Variants in DNTTIP2 observed in about 807,000 individuals in gnomAD.
The protein encoded by DNTTIP2 is deoxynucleotidyltransferase terminal interacting protein 2, also known as deoxynucleotidyltransferase terminal-interacting protein 2.
DNTTIP2 carries 47 observed loss-of-function variants against 62.4 expected under a neutral mutation model. That is an observed-to-expected ratio of 0.75 (90% confidence interval 0.60 to 0.96). The LOEUF (loss-of-function observed/expected upper bound fraction) is 0.96. Among genes scored for constraint, DNTTIP2 ranks in the 40% least tolerant of loss-of-function variants. The pLI, the probability that DNTTIP2 is intolerant of heterozygous loss-of-function variation, is 0.00. For synonymous variants in DNTTIP2, 322 were observed against 300.9 expected, an observed-to-expected ratio of 1.07 and a Z score of -0.73; for missense variants, 870 against 849.1, an observed-to-expected ratio of 1.02 and a Z score of -0.31.
chr1:93,867,814 T>C lies in DNTTIP2; in HGVS notation c.*2037A>G, dbSNP rs1392197730. ...AAACATAGTATTCCAGAAACAAAAG[T>C]AGTTTTTTTTTAAAATAAAAGAGAA... is the stretch of plus-strand genomic sequence containing the variant. On this transcript the variant is annotated 3_prime_UTR_variant, in exon 7 of 7. Transcript: ENST00000436063. The C allele has an allele frequency of 8.7e-6, 1 of 115,296 alleles. No individual in the cohort carries two copies. Among genetic ancestry groups the C allele is most frequent in the Non-Finnish European group, 1.8e-5 (1 of 55,136 alleles). The allele number at this position is 115,296 out of a possible 1,614,324, so 7.1% of individuals were successfully genotyped here.
At chr1:93,873,704 G>A (rs1655929280) in intron 3 of DNTTIP2, among the ~76,000 whole-genome samples, 1 of 152,010 alleles carries the variant, frequency 6.6e-6, no homozygotes, top group Non-Finnish European at 1.5e-5. Flanking sequence ...GGCCAAGGCA[G>A]GACAATCACT....
At chr1:93,871,772 T>A (rs1189668225) in intron 5 of DNTTIP2, among the ~76,000 whole-genome samples, 1 of 152,228 alleles carries the variant, frequency 6.6e-6, no homozygotes, top group African/African-American at 2.4e-5. Flanking sequence ...CTATCCCGTA[T>A]GGACTCTTGC....
Position 93,867,661 on chromosome 1 carries a change from A to C in DNTTIP2, c.*2190T>G, listed in dbSNP as rs1655753971. The C allele has an allele frequency of 6.6e-6, 1 of 152,122 alleles. No individual in the cohort carries two copies. The highest frequency in any genetic ancestry group is 1.5e-5 in the Non-Finnish European group (1 of 68,028). The allele number at this position is 152,122 out of a possible 1,614,324, so 9.4% of individuals were successfully genotyped here. ...GTCAGTAAAACCTGTTTCTCAAAAG[A>C]CTTGCTTATTAAAAAGCAAAACATA... On this transcript the variant is annotated 3_prime_UTR_variant, in exon 7 of 7. Transcript: ENST00000436063.
intron 5 of DNTTIP2, among the ~76,000 whole-genome samples, chr1:93,871,476 CCAAA>C (rs5776194): frequency 0.083 from 12,560 of 152,148 alleles, 1,333 homozygotes; most frequent in African/African-American, 0.24. Context: ...TAAAATTTCA[CCAAA>C]CAAACAAGAA....
Position 93,876,999 on chromosome 1 carries a change from T to G in DNTTIP2, c.936A>C (p.Glu312Asp), listed in dbSNP as rs1656028038. The G allele has an allele frequency of 6.2e-7, 1 of 1,612,862 alleles. No homozygotes were observed. The highest frequency in any genetic ancestry group is 1.1e-5 in the South Asian group (1 of 91,036). Reference sequence around the variant, plus strand: ...TCAGCTGAGAACTTTTCTCATTAATTTCTTTCCCCTCATCTGTTATTCCAT... The same window carrying G: ...TCAGCTGAGAACTTTTCTCATTAATGTCTTTCCCCTCATCTGTTATTCCAT... The part of the protein sequence containing the change: ...DANGITDEGK[E>D]INEKSSQLKN... Residue 312 changes from glutamate to aspartate, a missense_variant, in exon 2 of 7, where the codon GAA becomes GAC. Transcript: ENST00000436063.
In DNTTIP2 at chr1:93,869,718, T is replaced by C. The variant is rs183481078; in HGVS notation, c.*133A>G. On this transcript the variant is annotated 3_prime_UTR_variant, in exon 7 of 7. Transcript: ENST00000436063. ...GTAATCGATTCTCAAATCAACTTTT[T>C]CCAAATACAAATTCCTGTATGAACA... The C allele has an allele frequency of 5.6e-4, 337 of 599,774 alleles. No individual in the cohort carries two copies. The highest frequency in any genetic ancestry group is 5.4e-3 in the African/African-American group (292 of 53,754). The allele number at this position is 599,774 out of a possible 1,614,324, so 37.2% of individuals were successfully genotyped here.
In DNTTIP2 at chr1:93,872,296, T is replaced by C. The variant is rs572856030; in HGVS notation, c.1903-60A>G. 3.5e-5 allele frequency: 54 copies of C among 1,535,682 alleles called. No homozygotes were observed. In the Admixed American group the frequency reaches 5.7e-4, roughly 16 times the overall value. ...AGCTAAGAGTATACATTATAATTCA[T>C]TTCCCCTGAAGTAACACATACAGAA... is the stretch of plus-strand genomic sequence containing the variant. On this transcript the variant is annotated intron_variant, in intron 4 of 6. Coordinates refer to ENST00000436063, the MANE Select transcript of DNTTIP2 (RefSeq NM_014597.5).
At chr1:93,875,968 T>A (rs1256756786) in intron 2 of DNTTIP2, among the ~76,000 whole-genome samples, 185 bp from the exon 3 acceptor site, 1 of 151,118 alleles carries the variant, frequency 6.6e-6, no homozygotes, top group Non-Finnish European at 1.5e-5. Flanking sequence ...TTTTCATCAT[T>A]TTATTTTATT....
rs777286707 is a variant in DNTTIP2, at chr1:93,877,836, C to T, written c.99G>A (p.Ala33=). The T allele has an allele frequency of 8.7e-6, 14 of 1,601,578 alleles. No homozygotes were observed. The highest frequency in any genetic ancestry group is 1.1e-5 in the Non-Finnish European group (13 of 1,179,626). Residue 33 remains alanine (A), a synonymous_variant, in exon 2 of 7, where the codon GCG becomes GCA. Coordinates refer to ENST00000436063, the MANE Select transcript of DNTTIP2 (RefSeq NM_014597.5). ...QKSFAANGIQ[A]HPESSTGSDA... is the part of the protein sequence containing the mutation. ...CAGATCCAGTACTACTTTCTGGATG[C>T]GCTTGAATCCCATTAGCAGCAAAAC...
chr1:93,868,323 C>A lies in DNTTIP2; in HGVS notation c.*1528G>T, dbSNP rs1006651126. 2.6e-5 allele frequency: 4 copies of A among 152,048 alleles called. No individual in the cohort carries two copies. The highest frequency in any genetic ancestry group is 5.9e-5 in the Non-Finnish European group (4 of 68,000). The allele number at this position is 152,048 out of a possible 1,614,324, so 9.4% of individuals were successfully genotyped here. A position where few individuals can be genotyped will look rare whatever the true frequency, so the allele number is the denominator to read the frequency against. On this transcript the variant is annotated 3_prime_UTR_variant, in exon 7 of 7. Transcript: ENST00000436063. ...ACCATCTCATTGCCAGTTAGAATGG[C>A]AATCATTAAAAAGTCAGGAAACAAC... is the stretch of plus-strand genomic sequence containing the variant.
chr1:93,873,894 G>A (rs140128729), intron 3 of DNTTIP2, among the ~76,000 whole-genome samples: 260 of 152,302 alleles, frequency 1.7e-3, no homozygotes, highest in African/African-American at 5.9e-3. Flanking sequence ...GGAACCTCAG[G>A]TTAATTAGTA....
chr1:93,869,289 G>A lies in DNTTIP2; in HGVS notation c.*562C>T, dbSNP rs1655795610. ...AAACCAATTATTCCTCCCTGTTTCA[G>A]TTGCCAAGCAAGGAAAACAGCTCCT... On this transcript the variant is annotated 3_prime_UTR_variant, in exon 7 of 7. Coordinates refer to ENST00000436063, the MANE Select transcript of DNTTIP2 (RefSeq NM_014597.5). 6.6e-6 allele frequency: 1 copy of A among 152,182 alleles called. No homozygotes were observed. Among genetic ancestry groups the A allele is most frequent in the African/African-American group, 2.4e-5 (1 of 41,440 alleles). 9.4% of individuals were successfully genotyped at this position (152,182 alleles called of 1,614,324 possible).
chr1:93,873,425 G>T, intron 3 of DNTTIP2: 41 of 218,378 alleles, frequency 1.9e-4, no homozygotes, highest in Non-Finnish European at 2.6e-4. Context: ...GACCCTGACT[G>T]TAAAAAAAAA....
chr1:93,876,276 C>T lies in DNTTIP2; in HGVS notation c.1659G>A (p.Lys553=), dbSNP rs1416782404. The change falls in exon 2 of 7, where the codon AAG becomes AAA. Residue 553 remains lysine, a synonymous_variant. Coordinates refer to ENST00000436063, the MANE Select transcript of DNTTIP2 (RefSeq NM_014597.5). ...ATAAAGGAAAAACTTACAGTTTAGC[C>T]TTTGTGCTATTTAGGAAGTCTTCTT... ...SDEEDFLNST[K]AKLLKLTSSS... is the part of the protein sequence containing the mutation. The T allele has an allele frequency of 1.3e-6, 2 of 1,530,386 alleles. No homozygotes were observed. Among genetic ancestry groups the T allele is most frequent in the Admixed American group, 2.1e-5 (1 of 46,780 alleles). 94.8% of individuals were successfully genotyped at this position (1,530,386 alleles called of 1,614,324 possible). A position where few individuals can be genotyped will look rare whatever the true frequency, so the allele number is the denominator to read the frequency against.
rs1655736363 is a variant in DNTTIP2 at position 93,866,955 on chromosome 1, C to A, written c.*2896G>T. On this transcript the variant is annotated 3_prime_UTR_variant, in exon 7 of 7. Coordinates refer to ENST00000436063, the MANE Select transcript of DNTTIP2 (RefSeq NM_014597.5). ...GGTCAGAAGTTCAAGACCAGCCTGGCCAACATGGTGAAACCCCGTCTCTAC... is the reference window on the plus strand; with the variant it reads ...GGTCAGAAGTTCAAGACCAGCCTGGACAACATGGTGAAACCCCGTCTCTAC... 1 of 151,368 alleles carries A rather than the reference C, an allele frequency of 6.6e-6. No individual in the cohort carries two copies. Among genetic ancestry groups the A allele is most frequent in the South Asian group, 2.1e-4 (1 of 4,788 alleles). 9.4% of individuals were successfully genotyped at this position (151,368 alleles called of 1,614,324 possible).
At position 93,876,806 on chromosome 1, in the gene DNTTIP2, T is replaced by G; in HGVS notation, c.1129A>C (p.Asn377His). Residue 377 changes from asparagine (N) to histidine (H), a missense_variant, in exon 2 of 7, where the codon AAC becomes CAC. By Grantham distance (68) the Asn-to-His change is moderately conservative. Coordinates refer to ENST00000436063, the MANE Select transcript of DNTTIP2 (RefSeq NM_014597.5). ...FATVEVGRWN[N>H]NKKSPIKASD... ...GCTTTTATGGGGCTCTTTTTGTTGT[T>G]ATTCCATCTGCCTACTTCCACAGTT... The G allele has an allele frequency of 6.2e-7, 1 of 1,613,954 alleles. No individual in the cohort carries two copies. The highest frequency in any genetic ancestry group is 1.1e-5 in the South Asian group (1 of 91,066).
chr1:93,869,659 G>T lies in DNTTIP2; in HGVS notation c.*192C>A. 2.0e-6 allele frequency: 1 copy of T among 506,920 alleles called. No individual in the cohort carries two copies. The allele number at this position is 506,920 out of a possible 1,614,324, so 31.4% of individuals were successfully genotyped here. On this transcript the variant is annotated 3_prime_UTR_variant, in exon 7 of 7. Transcript: ENST00000436063. ...TCCCATAAAGAGTCTACACCAGGGT[G>T]GGTCTTTTAGACACCCCTATTTTCT... is the stretch of plus-strand genomic sequence containing the variant.
intron 1 of DNTTIP2, 99 bp from the exon 2 acceptor site, chr1:93,877,961 A>G: frequency 7.0e-7 from 1 of 1,432,048 alleles, no homozygotes; most frequent in South Asian, 1.5e-5. Context: ...AGTAAACAAG[A>G]TTACCTTTAA....
Position 93,876,657 on chromosome 1 carries a change from T to A in DNTTIP2, c.1278A>T (p.Leu426=). 2 of 1,614,040 alleles carry A rather than the reference T, an allele frequency of 1.2e-6. No individual in the cohort carries two copies. The highest frequency in any genetic ancestry group is 1.7e-6 in the Non-Finnish European group (2 of 1,179,894). The change falls in exon 2 of 7, where the codon CTA becomes CTT. Residue 426 remains leucine, a synonymous_variant. Coordinates refer to ENST00000436063, the MANE Select transcript of DNTTIP2 (RefSeq NM_014597.5). Reference sequence around the variant, plus strand: ...GAGATGTGTTGGGCGCAGACGTGTATAGTTTGGTATCACATTCAAAATCTA... The same window carrying A: ...GAGATGTGTTGGGCGCAGACGTGTAAAGTTTGGTATCACATTCAAAATCTA... ...GNVDFECDTK[L]YTSAPNTSQG... is the part of the protein sequence containing the mutation.
Sources: gnomAD v4.1 joint callset for allele counts (sites outside exome capture counted in the v4.1 genomes callset) on GRCh38, gnomAD v4.1.1 for gene constraint, MANE v1.5 for transcripts, NCBI Gene and HGNC (gene_info 2026-07-23, HGNC 2026-07-21) for gene names.